The following ITGB5 variants were observed in gnomAD, a reference collection of about 807,000 sequenced individuals.
ITGB5 encodes integrin beta-5.
A neutral mutation model predicts 84.8 loss-of-function variants in ITGB5; 38 were observed. The ratio of observed to expected loss-of-function variants is 0.45; its 90% CI spans 0.35 to 0.59. The LOEUF (loss-of-function observed/expected upper bound fraction) is 0.59, where lower values mean the gene tolerates loss of function less well. ITGB5 is among the 20% of genes least tolerant of loss of function. ITGB5 has a pLI of 0.01. For synonymous variants in ITGB5, 393 were observed against 414.4 expected (o/e 0.95, Z 0.63); for missense variants, 905 against 1,034.5 (o/e 0.87, Z 1.72).
intron 8 of ITGB5, among the ~76,000 whole-genome samples, chr3:124,812,527 T>C (rs2064520585): frequency 6.6e-6 from 1 of 152,146 alleles, no homozygotes; most frequent in East Asian, 1.9e-4. Context: ...TTCTGTTCGC[T>C]CCCACACTGA....
chr3:124,814,297 G>A (rs970992582), intron 8 of ITGB5, among the ~76,000 whole-genome samples: 4 of 151,844 alleles, frequency 2.6e-5, no homozygotes, highest in African/African-American at 7.3e-5. Flanking sequence ...GAAGGGAGGG[G>A]TGGAAGAAGG....
At chr3:124,809,179 G>C in intron 8 of ITGB5, 23 bp from the exon 9 acceptor site, 1 of 1,613,174 alleles carries the variant, frequency 6.2e-7, no homozygotes, top group Non-Finnish European at 8.5e-7. Context: ...AGAAAATGAA[G>C]CCCAACCATT....
At chr3:124,844,587 C>T (rs2065053794) in intron 4 of ITGB5, among the ~76,000 whole-genome samples, 1 of 152,078 alleles carries the variant, frequency 6.6e-6, no homozygotes, top group Admixed American at 6.6e-5. Context: ...AATGGGCAGG[C>T]ACTCATGCCA....
intron 10 of ITGB5, among the ~76,000 whole-genome samples, chr3:124,782,348 G>C (rs2064017436): frequency 1.3e-5 from 2 of 152,246 alleles, no homozygotes; most frequent in Admixed American, 6.5e-5. Flanking sequence ...TATGGGAAGA[G>C]AGCATTTCAA....
At chr3:124,823,751 A>G (rs1381856229) in intron 5 of ITGB5, among the ~76,000 whole-genome samples, 2 of 152,022 alleles carry the variant, frequency 1.3e-5, no homozygotes, top group Admixed American at 1.3e-4. Flanking sequence ...GGATTGTGGA[A>G]AAGAGGGAGC....
chr3:124,873,406 G>T, intron 2 of ITGB5, 40 bp downstream of exon 2: 1 of 1,377,710 alleles, frequency 7.3e-7, no homozygotes, highest in Non-Finnish European at 1.0e-6. Context: ...CACCCTCGCA[G>T]CATTCCTTCC....
At chr3:124,841,340 C>T in intron 5 of ITGB5, 43 bp downstream of exon 5, 1 of 1,594,232 alleles carries the variant, frequency 6.3e-7, no homozygotes, top group Non-Finnish European at 8.6e-7. Flanking sequence ...CGCTCTCTAC[C>T]TTGACCTCCC....
intron 11 of ITGB5, among the ~76,000 whole-genome samples, chr3:124,770,605 G>A (rs2063827602): frequency 6.6e-6 from 1 of 152,154 alleles, no homozygotes; most frequent in African/African-American, 2.4e-5. Flanking sequence ...ATTTCACTAA[G>A]TCCCCTTTAT....
chr3:124,861,984 AACG>A (rs1166383444), intron 2 of ITGB5: 3 of 152,416 alleles, frequency 2.0e-5, no homozygotes, highest in African/African-American at 2.4e-5. Flanking sequence ...AAGGAGGGGT[AACG>A]ACCTGAGGGC....
intron 9 of ITGB5, among the ~76,000 whole-genome samples, chr3:124,803,674 G>A (rs377084120): frequency 6.6e-6 from 1 of 152,206 alleles, no homozygotes; most frequent in Non-Finnish European, 1.5e-5. Flanking sequence ...TCAGCAGTGC[G>A]CGAGCGCTGG....
intron 3 of ITGB5, among the ~76,000 whole-genome samples, chr3:124,858,467 C>T (rs1289607639): frequency 6.6e-6 from 1 of 152,268 alleles, no homozygotes; most frequent in East Asian, 1.9e-4. Flanking sequence ...GCATTATTCA[C>T]AAGAGCCAAA....
intron 9 of ITGB5, among the ~76,000 whole-genome samples, chr3:124,800,477 G>A (rs2064299143): frequency 6.6e-6 from 1 of 152,166 alleles, no homozygotes; most frequent in Non-Finnish European, 1.5e-5. Flanking sequence ...AAACACTTGG[G>A]CACTGTCTGC....
intron 1 of ITGB5, among the ~76,000 whole-genome samples, chr3:124,895,572 A>G (rs1935086617): frequency 6.6e-6 from 1 of 152,170 alleles, no homozygotes; most frequent in South Asian, 2.1e-4. Flanking sequence ...AACAGTGCTT[A>G]GCTAGCAGTT....
At chr3:124,793,552 G>A (rs1297719852) in intron 10 of ITGB5, among the ~76,000 whole-genome samples, 3 of 152,244 alleles carry the variant, frequency 2.0e-5, no homozygotes, top group Admixed American at 6.5e-5. Flanking sequence ...CTGACTCATA[G>A]AGGAGCCAGC....
chr3:124,878,224 G>T (rs1354059230), intron 1 of ITGB5, among the ~76,000 whole-genome samples: 1 of 152,162 alleles, frequency 6.6e-6, no homozygotes, highest in Non-Finnish European at 1.5e-5. Flanking sequence ...AACTTGGGCT[G>T]GAGGTCCAGG....
At chr3:124,833,331 A>G (rs2064884829) in intron 5 of ITGB5, among the ~76,000 whole-genome samples, 1 of 152,228 alleles carries the variant, frequency 6.6e-6, no homozygotes, top group Non-Finnish European at 1.5e-5. Flanking sequence ...TTTTGCAGGA[A>G]AAACATCAAT....
At chr3:124,849,472 C>T (rs564653729) in intron 3 of ITGB5, among the ~76,000 whole-genome samples, 4 of 152,226 alleles carry the variant, frequency 2.6e-5, no homozygotes, top group African/African-American at 7.2e-5. Flanking sequence ...TCGCCATTTA[C>T]CAGACTAGTA....
intron 10 of ITGB5, among the ~76,000 whole-genome samples, chr3:124,794,380 C>A (rs758911335): frequency 1.3e-5 from 2 of 152,144 alleles, no homozygotes; most frequent in African/African-American, 2.4e-5. Flanking sequence ...AAAAAAGTAC[C>A]TCTCCTTCTG....
intron 1 of ITGB5, among the ~76,000 whole-genome samples, chr3:124,897,711 G>T (rs1326921066): frequency 1.3e-5 from 2 of 152,148 alleles, no homozygotes; most frequent in African/African-American, 2.4e-5. Context: ...TATCCAACAA[G>T]TATTTATTGA....
Sources: gnomAD v4.1 joint callset for allele counts (sites outside exome capture counted in the v4.1 genomes callset) on GRCh38, gnomAD v4.1.1 for gene constraint, MANE v1.5 for transcripts, NCBI Gene and HGNC (gene_info 2026-07-23, HGNC 2026-07-21) for gene names.